CNNM2: variants seen among roughly 807,000 people sequenced by gnomAD.
CNNM2 encodes metal transporter CNNM2.
In CNNM2, 12 loss-of-function variants were observed where a neutral mutation model predicts 66.9. That is an observed-to-expected ratio of 0.18 (90% confidence interval 0.11 to 0.29). The LOEUF (loss-of-function observed/expected upper bound fraction) is 0.29. Among genes scored for constraint, CNNM2 ranks in the 10% least tolerant of loss-of-function variants. The probability of loss-of-function intolerance (pLI) is 1.00; values close to 1 mark genes in which losing one functional copy is unlikely to be tolerated. For synonymous variants in CNNM2, 557 were observed against 501.8 expected, an observed-to-expected ratio of 1.11 and a Z score of -1.47; for missense variants, 705 against 1,167.7, an observed-to-expected ratio of 0.60 and a Z score of 5.77.
At chr10:102,935,949 C>A (rs978838654) in intron 1 of CNNM2, among the ~76,000 whole-genome samples, 2 of 151,570 alleles carry the variant, frequency 1.3e-5, no homozygotes, top group African/African-American at 4.8e-5. Context: ...TTTTGGGTTC[C>A]AGGTGACCAG....
At chr10:103,004,333 T>C (rs1564841313) in intron 1 of CNNM2, among the ~76,000 whole-genome samples, 1 of 152,192 alleles carries the variant, frequency 6.6e-6, no homozygotes, top group Admixed American at 6.5e-5. Flanking sequence ...CTTTATTCTT[T>C]CTATTTTTGA....
At position 103,076,345 on chromosome 10, in the gene CNNM2, T is replaced by G. The variant is rs2065690639; in HGVS notation, c.2418+75T>G. 2 of 1,408,664 alleles carry G rather than the reference T, an allele frequency of 1.4e-6. No individual in the cohort carries two copies. The highest frequency in any genetic ancestry group is 2.6e-5 in the South Asian group (2 of 77,584). 87.3% of individuals were successfully genotyped at this position (1,408,664 alleles called of 1,614,324 possible). ...TTCCCTGGCAAATTGTCTGTTTTGC[T>G]CCTTGCCCTCCTCAGAACTCTCCCT... On this transcript the variant is annotated intron_variant, in intron 7 of 7. Transcript: ENST00000369878.
rs71019651 is a variant in CNNM2 at position 103,034,972 on chromosome 10, C to CAAAAAAAAAAAAAAAAAAAA, written c.1622-14717_1622-14716insAAAAAAAAAAAAAAAAAAAA. Among the ~76,000 whole-genome samples, 28 of 71,052 alleles carry CAAAAAAAAAAAAAAAAAAAA rather than the reference C, an allele frequency of 3.9e-4. No homozygotes were observed. The highest frequency in any genetic ancestry group is 2.5e-3 in the East Asian group (5 of 1,974). 46.6% of individuals were successfully genotyped at this position (71,052 alleles called of 152,430 possible). A position where few individuals can be genotyped will look rare whatever the true frequency, so the allele number is the denominator to read the frequency against. On this transcript the variant is annotated intron_variant, in intron 1 of 7. Transcript: ENST00000369878. The stretch of plus-strand genomic sequence containing the variant: ...TGGGCGACAGAGCGAGACTCCGTCT[C>CAAAAAAAAAAAAAAAAAAAA]AAAAAAAAAAAAAAAAAATCTCCTA...
At position 103,049,849 on chromosome 10, in the gene CNNM2, C is replaced by G. The variant is rs747058788; in HGVS notation, c.1764C>G (p.Tyr588Ter). 6.2e-7 allele frequency: 1 copy of G among 1,613,334 alleles called. No homozygotes were observed. Among genetic ancestry groups the G allele is most frequent in the East Asian group, 2.2e-5 (1 of 44,878 alleles). Residue 588 changes from tyrosine (Y) to a stop codon, truncating the protein, a stop_gained and splice_region_variant, in exon 2 of 8, where the codon TAC (tyrosine) becomes TAG (stop). Coordinates refer to ENST00000369878, the MANE Select transcript of CNNM2 (RefSeq NM_017649.5). LOFTEE classifies it high-confidence loss of function. ...AGATTCTTGATGAAACAGATTTATA[C>G]AGTAAGTAGCATTGTCTGAGTGTAT... ...KSEILDETDL[Y>*]TDNRTKKKVA...
intron 1 of CNNM2, among the ~76,000 whole-genome samples, chr10:102,954,497 G>T (rs1846963892): frequency 6.6e-6 from 1 of 152,174 alleles, no homozygotes; most frequent in Admixed American, 6.6e-5. Context: ...TGAGGGACCT[G>T]ATACAGTTTC....
chr10:102,957,711 T>G (rs1258597842), intron 1 of CNNM2, among the ~76,000 whole-genome samples: 1 of 152,182 alleles, frequency 6.6e-6, no homozygotes, highest in Non-Finnish European at 1.5e-5. Flanking sequence ...AGAACCATCT[T>G]TTTAAGACAT....
At chr10:102,968,378 C>G (rs2063498096) in intron 1 of CNNM2, among the ~76,000 whole-genome samples, 1 of 152,108 alleles carries the variant, frequency 6.6e-6, no homozygotes, top group Non-Finnish European at 1.5e-5. Context: ...TCCCAAGTAG[C>G]TGGGACTACA....
intron 1 of CNNM2, among the ~76,000 whole-genome samples, chr10:103,009,050 G>A (rs529963294): frequency 9.9e-5 from 15 of 152,190 alleles, no homozygotes; most frequent in Non-Finnish European, 1.9e-4. Flanking sequence ...GCCGAGGCAG[G>A]CGGATGACCT....
intron 1 of CNNM2, among the ~76,000 whole-genome samples, chr10:102,942,132 C>T (rs545267066): frequency 6.6e-6 from 1 of 152,320 alleles, no homozygotes; most frequent in African/African-American, 2.4e-5. Context: ...ACTTAAAACA[C>T]AGAGGTGCTC....
At chr10:102,961,997 A>T (rs1374520790) in intron 1 of CNNM2, among the ~76,000 whole-genome samples, 2 of 152,198 alleles carry the variant, frequency 1.3e-5, no homozygotes, top group Non-Finnish European at 2.9e-5. Context: ...TACTTTTTTT[A>T]AAATGAAGAA....
intron 1 of CNNM2, among the ~76,000 whole-genome samples, chr10:102,983,683 C>T (rs1173341868): frequency 2.0e-5 from 3 of 151,956 alleles, no homozygotes; most frequent in African/African-American, 2.4e-5. Context: ...TCAAGTGCTC[C>T]TCCTTCCTTG....
intron 4 of CNNM2, among the ~76,000 whole-genome samples, chr10:103,059,525 A>G (rs1272334388): frequency 2.0e-5 from 3 of 152,216 alleles, no homozygotes; most frequent in Admixed American, 6.5e-5. Context: ...ACCTCCCACT[A>G]CATATGCATA....
At chr10:103,044,887 C>G (rs960593716) in intron 1 of CNNM2, among the ~76,000 whole-genome samples, 1 of 152,114 alleles carries the variant, frequency 6.6e-6, no homozygotes, top group Non-Finnish European at 1.5e-5. Flanking sequence ...AGAGTAAGGC[C>G]CTTTCCAGCC....
At chr10:103,025,102 T>A (rs544206225) in intron 1 of CNNM2, among the ~76,000 whole-genome samples, 1 of 152,308 alleles carries the variant, frequency 6.6e-6, no homozygotes, top group African/African-American at 2.4e-5. Context: ...TTTTTTATTT[T>A]TATTTTTGAG....
chr10:102,925,227 C>T (rs914545767), intron 1 of CNNM2, among the ~76,000 whole-genome samples: 2 of 126,184 alleles, frequency 1.6e-5, no homozygotes, highest in African/African-American at 3.0e-5. Context: ...ACCCGGGAGG[C>T]GGAGGCTGTG....
intron 1 of CNNM2, among the ~76,000 whole-genome samples, chr10:103,039,380 G>T (rs969908287): frequency 6.6e-6 from 1 of 152,048 alleles, no homozygotes; most frequent in African/African-American, 2.4e-5. Flanking sequence ...GAGGTGATCC[G>T]CCCGCCTCGG....
At chr10:103,073,380 A>G (rs1311226595) in intron 6 of CNNM2, among the ~76,000 whole-genome samples, 1 of 152,342 alleles carries the variant, frequency 6.6e-6, no homozygotes, top group African/African-American at 2.4e-5. Context: ...AAATGTTAAC[A>G]CACAAACACT....
At chr10:103,013,608 G>T (rs1475308485) in intron 1 of CNNM2, among the ~76,000 whole-genome samples, 1 of 152,158 alleles carries the variant, frequency 6.6e-6, no homozygotes, top group South Asian at 2.1e-4. Context: ...TATCCAAGCC[G>T]AAAACTGTGA....
intron 1 of CNNM2, among the ~76,000 whole-genome samples, chr10:102,984,509 G>T (rs991394478): frequency 3.3e-5 from 5 of 152,114 alleles, no homozygotes; most frequent in African/African-American, 1.2e-4. Context: ...GTCTTCATGT[G>T]TATAAGATTC....
Sources: gnomAD v4.1 joint callset for allele counts (sites outside exome capture counted in the v4.1 genomes callset) on GRCh38, gnomAD v4.1.1 for gene constraint, MANE v1.5 for transcripts, NCBI Gene and HGNC (gene_info 2026-07-23, HGNC 2026-07-21) for gene names.